The following PDE1C variants were observed in gnomAD, a reference collection of about 807,000 sequenced individuals.
PDE1C encodes dual specificity calcium/calmodulin-dependent 3',5'-cyclic nucleotide phosphodiesterase 1C.
In PDE1C, 62 loss-of-function variants were observed where a neutral mutation model predicts 93.1. The ratio of observed to expected loss-of-function variants is 0.67; its 90% CI spans 0.54 to 0.82. PDE1C has a LOEUF of 0.82. Ranked by LOEUF, PDE1C falls within the 40% of genes least tolerant of loss-of-function variation. The probability of loss-of-function intolerance (pLI) is 0.00; values close to 1 mark genes in which losing one functional copy is unlikely to be tolerated. For synonymous variants in PDE1C, 325 were observed against 310.1 expected, an observed-to-expected ratio of 1.05 and a Z score of -0.50; for missense variants, 742 against 884.6, an observed-to-expected ratio of 0.84 and a Z score of 2.04.
At chr7:32,005,668 A>G (rs1017210325) in intron 2 of PDE1C, among the ~76,000 whole-genome samples, 3 of 151,406 alleles carry the variant, frequency 2.0e-5, no homozygotes, top group Non-Finnish European at 2.9e-5. Context: ...GTATATTAGT[A>G]TAAAAGAAGG....
chr7:31,783,245 A>AG (rs1415893070), intron 16 of PDE1C, among the ~76,000 whole-genome samples: 1 of 152,200 alleles, frequency 6.6e-6, no homozygotes, highest in South Asian at 2.1e-4. Flanking sequence ...ATGAATGCTG[A>AG]GATTTCTTAT....
chr7:32,016,642 A>G (rs1005333822), intron 2 of PDE1C, among the ~76,000 whole-genome samples: 1 of 152,206 alleles, frequency 6.6e-6, no homozygotes, highest in Non-Finnish European at 1.5e-5. Flanking sequence ...TTAAATCAGT[A>G]ATGGTGCAGA....
intron 9 of PDE1C, among the ~76,000 whole-genome samples, chr7:31,839,067 TTATA>T (rs1286264244): frequency 2.7e-5 from 4 of 148,364 alleles, no homozygotes; most frequent in African/African-American, 9.8e-5. Flanking sequence ...TACATATTTA[TTATA>T]TACATACATG....
At position 31,888,249 on chromosome 7, in the gene PDE1C, C is replaced by CAAA. The variant is rs34112969; in HGVS notation, c.129-7392_129-7390dup. Among the ~76,000 whole-genome samples the CAAA allele has an allele frequency of 4.6e-3, 203 of 44,148 alleles. 9 individuals carry two copies. The highest frequency in any genetic ancestry group is 0.011 in the African/African-American group (132 of 12,210). The allele number at this position is 44,148 out of a possible 152,430, so 29.0% of individuals were successfully genotyped here. On this transcript the variant is annotated intron_variant, in intron 2 of 17. Transcript: ENST00000396191. ...TGGGTGACAGAGCGAGACTCAGTCT[C>CAAA]AAAAAAAAAAAAAAAAAAAAAAAAG...
chr7:32,141,210 G>A (rs1800501614), intron 3 of PDE1C, among the ~76,000 whole-genome samples: 1 of 152,178 alleles, frequency 6.6e-6, no homozygotes, highest in Non-Finnish European at 1.5e-5. Flanking sequence ...GTATGGAAAG[G>A]ACATATAGTC....
intron 16 of PDE1C, among the ~76,000 whole-genome samples, chr7:31,794,061 C>CAGATAGATAGAT (rs1562807734): frequency 7.3e-6 from 1 of 136,984 alleles, no homozygotes; most frequent in Non-Finnish European, 1.6e-5. Flanking sequence ...GACAGACAGA[C>CAGATAGATAGAT]AGACAGACAG....
intron 16 of PDE1C, chr7:31,789,509 C>T: frequency 2.8e-6 from 1 of 358,406 alleles, no homozygotes; most frequent in Non-Finnish European, 3.9e-6. Context: ...AATGGGTTCC[C>T]ACTCAACAGT....
chr7:31,737,744 T>C, the PDE1C span, among the ~76,000 whole-genome samples: 1 of 140,964 alleles, frequency 7.1e-6, no homozygotes, highest in African/African-American at 2.7e-5. Flanking sequence ...GAGGTTGCAG[T>C]GAGCCAAGAT....
In PDE1C at chr7:32,272,317, G is replaced by A. The variant is rs193059896; in HGVS notation, c.85+26334C>T. On this transcript the variant is annotated intron_variant, in intron 1 of 18. Transcript: ENST00000396193. ...CTAAGAAATGATTAAATCCTCAAAC[G>A]TCTAGGACAAACATTCCAACCATCC... Among the ~76,000 whole-genome samples, 140 of 152,276 alleles carry A rather than the reference G, an allele frequency of 9.2e-4. 2 individuals carry two copies. The Middle Eastern group carries it at 0.037, about 41-fold the overall frequency.
At chr7:32,349,060 C>T (rs542855895) in intron 1 of PDE1C, among the ~76,000 whole-genome samples, 2 of 152,344 alleles carry the variant, frequency 1.3e-5, no homozygotes, top group East Asian at 3.9e-4. Flanking sequence ...TGGGCCATCC[C>T]TTCAAAGCGG....
At chr7:32,367,026 C>CA (rs369831549) in intron 1 of PDE1C, among the ~76,000 whole-genome samples, 34 of 149,462 alleles carry the variant, frequency 2.3e-4, no homozygotes, top group East Asian at 7.8e-4. Context: ...GAGACTCCAT[C>CA]AAAAAAAAAG....
At chr7:31,675,206 G>T in the PDE1C span, among the ~76,000 whole-genome samples, 2 of 152,284 alleles carry the variant, frequency 1.3e-5, no homozygotes, top group East Asian at 3.9e-4. Flanking sequence ...TTGCAATCAT[G>T]ATTTCCTGAT....
intron 2 of PDE1C, among the ~76,000 whole-genome samples, chr7:31,982,717 G>T (rs1377820108): frequency 6.6e-6 from 1 of 151,940 alleles, no homozygotes; most frequent in African/African-American, 2.4e-5. Flanking sequence ...AATCTAGATG[G>T]CAAGTGTAGG....
In PDE1C at chr7:32,146,091, G is replaced by C. The variant is rs148016817; in HGVS notation, c.308+23694C>G. 3.2e-3 allele frequency among the ~76,000 whole-genome samples: 488 copies of C among 152,258 alleles called. 3 individuals are homozygous for C. The highest frequency in any genetic ancestry group is 0.011 in the African/African-American group (470 of 41,548). ...ATAATAACAGATGGATGGACAGATG[G>C]CTGCCGTGTGGCTCAGTTTCAAGGA... On this transcript the variant is annotated intron_variant, in intron 3 of 18. Coordinates refer to the PDE1C transcript ENST00000396193.
At chr7:31,726,365 A>T in the PDE1C span, among the ~76,000 whole-genome samples, 151 of 152,092 alleles carry the variant, frequency 9.9e-4, no homozygotes, top group Middle Eastern at 3.4e-3. Flanking sequence ...GCAAAATAAT[A>T]CTCTTAATAT....
At chr7:32,086,420 C>A (rs1203135840) in intron 3 of PDE1C, among the ~76,000 whole-genome samples, 1 of 152,116 alleles carries the variant, frequency 6.6e-6, no homozygotes, top group East Asian at 1.9e-4. Flanking sequence ...GTGAAAATGG[C>A]CATACTGCCC....
At chr7:32,332,262 A>G (rs1407659370) in intron 1 of PDE1C, among the ~76,000 whole-genome samples, 4 of 152,214 alleles carry the variant, frequency 2.6e-5, no homozygotes. Context: ...ATCAATTGCC[A>G]ATAAACATAT....
chr7:31,946,694 C>G (rs1584122675), intron 2 of PDE1C, among the ~76,000 whole-genome samples: 1 of 152,222 alleles, frequency 6.6e-6, no homozygotes, highest in African/African-American at 2.4e-5. Flanking sequence ...GCTCCCAGAG[C>G]TCGGAGCCTT....
At chr7:32,337,348 TTACCA>T (rs1282773985) in intron 1 of PDE1C, among the ~76,000 whole-genome samples, 16 of 152,132 alleles carry the variant, frequency 1.1e-4, no homozygotes, top group African/African-American at 3.9e-4. Flanking sequence ...AGACCAACAA[TTACCA>T]TACACTAGTA....
Sources: gnomAD v4.1 joint callset for allele counts (sites outside exome capture counted in the v4.1 genomes callset) on GRCh38, gnomAD v4.1.1 for gene constraint, MANE v1.5 for transcripts, NCBI Gene and HGNC (gene_info 2026-07-23, HGNC 2026-07-21) for gene names.